DGKB: variants seen among roughly 807,000 people sequenced by gnomAD.
The protein encoded by DGKB is 90 kDa diacylglycerol kinase.
DGKB carries 67 observed loss-of-function variants against 114.3 expected under a neutral mutation model. The ratio of observed to expected loss-of-function variants is 0.59; its 90% CI spans 0.48 to 0.72. DGKB has a LOEUF of 0.72. DGKB is among the 30% of genes least tolerant of loss of function. DGKB has a pLI of 0.00. For missense variants in DGKB, 907 were observed against 975.2 expected (o/e 0.93, Z 0.93); for synonymous variants, 398 against 323.1 (o/e 1.23, Z -2.49).
chr7:14,943,058 T>A (rs181690587), intron 1 of DGKB, among the ~76,000 whole-genome samples: 101 of 152,100 alleles, frequency 6.6e-4, no homozygotes, highest in African/African-American at 2.4e-3. Context: ...TAAATATTCG[T>A]TGTATGACTG....
At chr7:14,848,252 G>A (rs947786630) in intron 1 of DGKB, among the ~76,000 whole-genome samples, 3 of 152,186 alleles carry the variant, frequency 2.0e-5, no homozygotes, top group Admixed American at 6.5e-5. Flanking sequence ...AGTAGGACTT[G>A]AAAATGAATA....
At chr7:14,482,216 G>C (rs1783083908) in intron 20 of DGKB, among the ~76,000 whole-genome samples, 1 of 151,854 alleles carries the variant, frequency 6.6e-6, no homozygotes, top group Non-Finnish European at 1.5e-5. Flanking sequence ...AATTGTGCCT[G>C]GTGTATAGAA....
At chr7:14,716,797 T>G (rs1025228777) in intron 6 of DGKB, among the ~76,000 whole-genome samples, 1 of 152,086 alleles carries the variant, frequency 6.6e-6, no homozygotes, top group Non-Finnish European at 1.5e-5. Context: ...TTCTGATGTA[T>G]AGCCAGGGTA....
intron 22 of DGKB, among the ~76,000 whole-genome samples, chr7:14,341,223 A>T (rs549424329): frequency 1.3e-5 from 2 of 151,900 alleles, no homozygotes; most frequent in East Asian, 3.9e-4. Context: ...ACTTAAATAA[A>T]TTGCTATTTA....
At chr7:14,893,040 C>T (rs188730828) in intron 1 of DGKB, among the ~76,000 whole-genome samples, 1 of 150,918 alleles carries the variant, frequency 6.6e-6, no homozygotes, top group East Asian at 2.0e-4. Flanking sequence ...TAAACATAAT[C>T]AAAAATTCCC....
At chr7:14,209,915 A>T (rs549317011) in intron 23 of DGKB, among the ~76,000 whole-genome samples, 2 of 151,592 alleles carry the variant, frequency 1.3e-5, no homozygotes, top group South Asian at 2.1e-4. Flanking sequence ...TTTAATGTTG[A>T]GCATTCATTG....
chr7:14,538,767 T>C (rs1792948757), intron 20 of DGKB, among the ~76,000 whole-genome samples: 1 of 152,168 alleles, frequency 6.6e-6, no homozygotes, highest in African/African-American at 2.4e-5. Context: ...AAAGAAAATT[T>C]GGCATTTTAT....
At chr7:14,720,546 T>A (rs1564009278) in intron 5 of DGKB, among the ~76,000 whole-genome samples, 1 of 151,560 alleles carries the variant, frequency 6.6e-6, no homozygotes, top group Non-Finnish European at 1.5e-5. Context: ...TGTTTCACCA[T>A]GTTGGTCAGG....
At chr7:14,661,500 A>G (rs896354869) in intron 13 of DGKB, among the ~76,000 whole-genome samples, 3 of 146,732 alleles carry the variant, frequency 2.0e-5, no homozygotes, top group Admixed American at 7.0e-5. Flanking sequence ...CAAAACCACA[A>G]TGAGATACCA....
chr7:14,324,085 G>C (rs1158780550), intron 23 of DGKB, among the ~76,000 whole-genome samples: 2 of 152,138 alleles, frequency 1.3e-5, no homozygotes, highest in African/African-American at 4.8e-5. Context: ...AAAATATGTT[G>C]ATAAAAGCAT....
chr7:14,753,898 C>A (rs1834473742), intron 4 of DGKB, 30 bp downstream of exon 4: 1 of 1,369,708 alleles, frequency 7.3e-7, no homozygotes. Flanking sequence ...AAAGAAAAGA[C>A]AGACTTTAAT....
At chr7:14,730,376 C>T (rs1268153304) in intron 5 of DGKB, among the ~76,000 whole-genome samples, 1 of 152,148 alleles carries the variant, frequency 6.6e-6, no homozygotes, top group East Asian at 1.9e-4. Flanking sequence ...CAGTTGCACA[C>T]TCCAGGTGTG....
rs58696251 is a variant in DGKB, at chr7:14,400,270, A to C, written c.1836-54879T>G. Among the ~76,000 whole-genome samples the C allele has an allele frequency of 6.7e-3, 1,016 of 151,966 alleles. 6 individuals are homozygous for C. The highest frequency in any genetic ancestry group is 0.017 in the Middle Eastern group (5 of 294). On this transcript the variant is annotated intron_variant, in intron 21 of 25. Transcript: ENST00000402815. ...CCACAGACTTCCTTACATTATGTTT[A>C]ATAATTTGTGACTCCTAGAGAAGTT...
chr7:14,791,925 T>G (rs1840718060), intron 2 of DGKB, among the ~76,000 whole-genome samples: 1 of 152,130 alleles, frequency 6.6e-6, no homozygotes, highest in African/African-American at 2.4e-5. Context: ...TGGTCTGTGG[T>G]TTTCCATATT....
intron 1 of DGKB, among the ~76,000 whole-genome samples, chr7:14,854,632 G>A (rs1423832389): frequency 6.6e-6 from 1 of 152,186 alleles, no homozygotes; most frequent in African/African-American, 2.4e-5. Flanking sequence ...CGGAGCTCAG[G>A]TGGTAACACT....
chr7:14,308,891 G>A (rs1406661989), intron 23 of DGKB, among the ~76,000 whole-genome samples: 1 of 152,150 alleles, frequency 6.6e-6, no homozygotes, highest in Non-Finnish European at 1.5e-5. Context: ...CAGCCTTTGA[G>A]TTAAATAGTC....
At chr7:14,893,954 T>G (rs1781704496) in intron 1 of DGKB, among the ~76,000 whole-genome samples, 1 of 150,206 alleles carries the variant, frequency 6.7e-6, no homozygotes, top group African/African-American at 2.4e-5. Flanking sequence ...TGTTCATAAG[T>G]TTTTTTTTCC....
At chr7:14,745,941 A>G (rs1193658498) in intron 4 of DGKB, among the ~76,000 whole-genome samples, 5 of 152,232 alleles carry the variant, frequency 3.3e-5, no homozygotes, top group African/African-American at 1.2e-4. Flanking sequence ...GCATGCAGGA[A>G]AACTTTCTGA....
intron 20 of DGKB, among the ~76,000 whole-genome samples, chr7:14,513,091 C>T (rs557954257): frequency 5.6e-4 from 85 of 151,884 alleles, no homozygotes; most frequent in Non-Finnish European, 1.1e-3. Context: ...GTAATGAATA[C>T]GTGAAAGGAG....
Sources: gnomAD v4.1 joint callset for allele counts (sites outside exome capture counted in the v4.1 genomes callset) on GRCh38, gnomAD v4.1.1 for gene constraint, MANE v1.5 for transcripts, NCBI Gene and HGNC (gene_info 2026-07-23, HGNC 2026-07-21) for gene names.